Variants in TYW1B observed in about 807,000 individuals in gnomAD.
The protein encoded by TYW1B is S-adenosyl-L-methionine-dependent tRNA 4-demethylwyosine synthase TYW1B.
Under a neutral mutation model 86.9 loss-of-function variants are expected in TYW1B, and 73 were observed. The ratio of observed to expected loss-of-function variants is 0.84; its 90% CI spans 0.70 to 1.02. The LOEUF (loss-of-function observed/expected upper bound fraction) is 1.02, where lower values mean the gene tolerates loss of function less well. Among genes scored for constraint, TYW1B ranks in the 50% least tolerant of loss-of-function variants. TYW1B has a pLI of 0.00. For missense variants in TYW1B, 637 were observed against 827.4 expected (o/e 0.77, Z 2.82); for synonymous variants, 248 against 292.8 (o/e 0.85, Z 1.56).
intron 13 of TYW1B, among the ~76,000 whole-genome samples, chr7:72,602,382 G>A (rs1415773704): frequency 2.6e-5 from 4 of 152,168 alleles, no homozygotes; most frequent in Admixed American, 6.5e-5. Flanking sequence ...ATGATCCATC[G>A]GGGGATGGAT....
chr7:72,705,521 T>C (rs1239334438), intron 10 of TYW1B, among the ~76,000 whole-genome samples: 6 of 152,222 alleles, frequency 3.9e-5, no homozygotes, highest in African/African-American at 1.4e-4. Context: ...ATGATAAACC[T>C]GCTAGCAGCT....
intron 9 of TYW1B, among the ~76,000 whole-genome samples, chr7:72,720,737 G>A (rs1786879791): frequency 6.6e-6 from 1 of 152,128 alleles, no homozygotes; most frequent in Non-Finnish European, 1.5e-5. Context: ...AATTGAAACA[G>A]CCTCTAAATT....
chr7:72,809,999 C>T (rs1167644464), intron 4 of TYW1B, among the ~76,000 whole-genome samples: 1 of 75,946 alleles, frequency 1.3e-5, no homozygotes, highest in Non-Finnish European at 2.9e-5. Context: ...ACTCTGTTTC[C>T]AAAAAAAAAA....
chr7:72,740,968 G>A (rs569720358), intron 8 of TYW1B, among the ~76,000 whole-genome samples: 174 of 152,052 alleles, frequency 1.1e-3, no homozygotes, highest in African/African-American at 4.1e-3. Flanking sequence ...CTGATCTCGT[G>A]AGCTGCCCAC....
intron 6 of TYW1B, among the ~76,000 whole-genome samples, chr7:72,781,636 A>G (rs1254732961): frequency 1.3e-5 from 2 of 152,042 alleles, no homozygotes; most frequent in East Asian, 1.9e-4. Context: ...TCCCAACATA[A>G]CTGTTCTCTC....
At chr7:72,704,385 G>C (rs1554453256) in intron 10 of TYW1B, among the ~76,000 whole-genome samples, 2 of 139,186 alleles carry the variant, frequency 1.4e-5, no homozygotes. Context: ...AGTGAGCCCA[G>C]ATCGCACCAC....
At chr7:72,703,016 ATATATATATATT>A (rs1413418071) in intron 10 of TYW1B, among the ~76,000 whole-genome samples, 403 of 17,656 alleles carry the variant, frequency 0.023, 13 homozygotes, top group African/African-American at 0.056. Flanking sequence ...ATATATATAT[ATATATATATATT>A]TTTTTTTTTT....
chr7:72,688,113 G>A (rs1814053880), intron 11 of TYW1B, among the ~76,000 whole-genome samples: 2 of 152,146 alleles, frequency 1.3e-5, no homozygotes, highest in African/African-American at 4.8e-5. Flanking sequence ...AGACACATAT[G>A]TATGAACATG....
chr7:72,816,465 T>G (rs1209527327), intron 2 of TYW1B, among the ~76,000 whole-genome samples: 2 of 152,152 alleles, frequency 1.3e-5, no homozygotes, highest in Admixed American at 1.3e-4. Flanking sequence ...GAAAAAGCCC[T>G]AGGGAAGAGT....
At chr7:72,621,872 G>A (rs1252085471) in intron 12 of TYW1B, among the ~76,000 whole-genome samples, 6 of 152,348 alleles carry the variant, frequency 3.9e-5, no homozygotes, top group East Asian at 1.9e-4. Flanking sequence ...GGACTGCTAC[G>A]TATAAGAAAA....
chr7:72,673,443 T>C (rs1554446762), intron 11 of TYW1B, among the ~76,000 whole-genome samples: 1 of 152,190 alleles, frequency 6.6e-6, no homozygotes, highest in African/African-American at 2.4e-5. Flanking sequence ...GGTCCTGTCA[T>C]CTGCAACATG....
chr7:72,600,967 C>G (rs528151318), intron 13 of TYW1B, among the ~76,000 whole-genome samples: 1 of 152,004 alleles, frequency 6.6e-6, no homozygotes, highest in Non-Finnish European at 1.5e-5. Flanking sequence ...ACCAGCCTGG[C>G]TAACATGGCG....
intron 12 of TYW1B, among the ~76,000 whole-genome samples, chr7:72,621,067 C>A (rs545789130): frequency 1.3e-5 from 2 of 152,296 alleles, no homozygotes; most frequent in South Asian, 4.1e-4. Context: ...GTTCAAACCT[C>A]ATGCTGAAAT....
At chr7:72,764,788 T>TTGA (rs1230033426) in intron 7 of TYW1B, among the ~76,000 whole-genome samples, 1 of 152,164 alleles carries the variant, frequency 6.6e-6, no homozygotes, top group South Asian at 2.1e-4. Context: ...AATTAAGTAA[T>TTGA]TGATGATGAT....
rs1239640717 is a variant in TYW1B at position 72,632,285 on chromosome 7, G to GTATATA, written c.1507-3294_1507-3289dup. Among the ~76,000 whole-genome samples the GTATATA allele has an allele frequency of 3.4e-3, 284 of 83,562 alleles. 5 individuals are homozygous for GTATATA. The highest frequency in any genetic ancestry group is 0.017 in the African/African-American group (234 of 13,852). The allele number at this position is 83,562 out of a possible 152,430, so 54.8% of individuals were successfully genotyped here. On this transcript the variant is annotated intron_variant, in intron 11 of 13. Coordinates refer to ENST00000620995, the MANE Select transcript of TYW1B (RefSeq NM_001145440.3). ...AAAAAATATATATATATATATACGTGTATATATATATATACGTGTATATAT... is the reference window on the plus strand; with the variant it reads ...AAAAAATATATATATATATATACGTGTATATATATATATATATATACGTGTATATAT...
chr7:72,799,596 G>T (rs1383513004), intron 6 of TYW1B, among the ~76,000 whole-genome samples: 4 of 152,098 alleles, frequency 2.6e-5, no homozygotes, highest in African/African-American at 9.6e-5. Context: ...CTCCCAAGTA[G>T]CTGGGACTAC....
In TYW1B at chr7:72,808,046, C is replaced by G. The variant is rs1464676092; in HGVS notation, c.433-690G>C. Among the ~76,000 whole-genome samples, 8 of 151,630 alleles carry G rather than the reference C, an allele frequency of 5.3e-5. No homozygotes were observed. The East Asian group carries it at 1.5e-3, about 29-fold the overall frequency. Reference sequence around the variant, plus strand: ...CCCTGGAGGCAGAAGTTGCAATGAGCCGAGATTGTGCCATTGCACTCCAGC... The same window carrying G: ...CCCTGGAGGCAGAAGTTGCAATGAGGCGAGATTGTGCCATTGCACTCCAGC... On this transcript the variant is annotated intron_variant, in intron 4 of 13. Transcript: ENST00000620995.
intron 7 of TYW1B, among the ~76,000 whole-genome samples, chr7:72,769,343 G>C (rs1214688789): frequency 5.3e-5 from 8 of 152,172 alleles, no homozygotes; most frequent in African/African-American, 1.9e-4. Flanking sequence ...CAGCACTGTA[G>C]ACTATAAGCT....
intron 3 of TYW1B, among the ~76,000 whole-genome samples, chr7:72,814,853 C>G (rs1586005778): frequency 6.6e-6 from 1 of 150,982 alleles, no homozygotes; most frequent in Non-Finnish European, 1.5e-5. Context: ...TCACTTGAGG[C>G]CAGGAATTTG....
Sources: allele counts gnomAD v4.1 joint callset (sites outside exome capture counted in the v4.1 genomes callset), GRCh38; gene constraint gnomAD v4.1.1; transcripts MANE v1.5; gene names NCBI Gene and HGNC (gene_info 2026-07-23, HGNC 2026-07-21).